GRIN2A: variants seen among roughly 807,000 people sequenced by gnomAD.
GRIN2A encodes the protein glutamate receptor ionotropic, NMDA 2A.
A neutral mutation model predicts 113.4 loss-of-function variants in GRIN2A; 22 were observed. The observed-to-expected ratio is 0.19, with a 90% CI of 0.14 to 0.28. The LOEUF is 0.28. Ranked by LOEUF, GRIN2A falls within the 10% of genes least tolerant of loss-of-function variation. The probability of loss-of-function intolerance (pLI) is 1.00; values close to 1 mark genes in which losing one functional copy is unlikely to be tolerated. For missense variants in GRIN2A, 1,502 were observed against 1,887.0 expected (o/e 0.80, Z 3.78); for synonymous variants, 827 against 738.4 (o/e 1.12, Z -1.94).
intron 2 of GRIN2A, among the ~76,000 whole-genome samples, chr16:10,093,009 T>G (rs902424411): frequency 3.9e-5 from 6 of 152,104 alleles, no homozygotes; most frequent in African/African-American, 1.4e-4. Context: ...TGGCTAATTT[T>G]TTGTATTTTT....
At chr16:10,026,323 T>A (rs2141910991) in intron 2 of GRIN2A, among the ~76,000 whole-genome samples, 1 of 152,224 alleles carries the variant, frequency 6.6e-6, no homozygotes, top group South Asian at 2.1e-4. Context: ...ATGGTATTAT[T>A]GTGAAAAATA....
At chr16:9,918,935 A>G (rs7206115) in intron 3 of GRIN2A, among the ~76,000 whole-genome samples, 113,430 of 151,942 alleles carry the variant, frequency 0.75, 44,189 homozygotes, top group African/African-American at 0.91. Context: ...CGTTTTGGGA[A>G]GCCAAAACGG....
intron 2 of GRIN2A, among the ~76,000 whole-genome samples, chr16:10,017,348 G>T (rs188733990): frequency 1.4e-4 from 22 of 152,202 alleles, no homozygotes; most frequent in Admixed American, 3.3e-4. Context: ...ATGAGTCTTG[G>T]TGGGGCGGCA....
At chr16:10,076,263 T>C (rs967620277) in intron 2 of GRIN2A, among the ~76,000 whole-genome samples, 1 of 152,124 alleles carries the variant, frequency 6.6e-6, no homozygotes, top group African/African-American at 2.4e-5. Flanking sequence ...TAGGTACAGC[T>C]AAGCTTTGCA....
In GRIN2A at chr16:9,901,836, C is replaced by A. The variant is rs2043932508; in HGVS notation, c.1008-10736G>T. Among the ~76,000 whole-genome samples the A allele has an allele frequency of 2.6e-5, 4 of 152,330 alleles. No individual in the cohort carries two copies. The South Asian group carries it at 8.3e-4, about 32-fold the overall frequency. Reference sequence around the variant, plus strand: ...AGATATTTGCTCATCCATGCTGCTACAAAAGAACTCTGGTCTTCAAATCAG... The same window carrying A: ...AGATATTTGCTCATCCATGCTGCTAAAAAAGAACTCTGGTCTTCAAATCAG... On this transcript the variant is annotated intron_variant, in intron 3 of 12. Transcript: ENST00000330684.
intron 2 of GRIN2A, chr16:9,970,741 A>G (rs900694357): frequency 3.1e-6 from 3 of 967,372 alleles, no homozygotes; most frequent in Admixed American, 6.2e-5. Flanking sequence ...AGAGTCCCCT[A>G]CCTTAAGAAA....
chr16:10,082,568 T>C (rs2048005541), intron 2 of GRIN2A, among the ~76,000 whole-genome samples: 1 of 152,232 alleles, frequency 6.6e-6, no homozygotes, highest in Non-Finnish European at 1.5e-5. Context: ...TTACCCAAGG[T>C]GGGCCTGGCC....
rs2050230350 is a variant in GRIN2A, at chr16:10,180,100, C to T, written c.312G>A (p.Thr104=). 6 of 1,614,190 alleles carry T rather than the reference C, an allele frequency of 3.7e-6. No homozygotes were observed. The highest frequency in any genetic ancestry group is 5.1e-6 in the Non-Finnish European group (6 of 1,180,028). ...RIHGLVFGDD[T]DQEAVAQMLD... is the part of the protein sequence containing the mutation. ...GCATCTGGGCTACGGCCTCCTGGTC[C>T]GTGTCGTCCCCAAACACGAGGCCGT... Residue 104 remains threonine, a synonymous_variant, in exon 2 of 13, where the codon ACG becomes ACA. Transcript: ENST00000330684. The surrounding 1 kb of genome is among the most constrained non-coding windows in gnomAD (Gnocchi z 7.0).
chr16:9,853,342 T>C (rs553627228), intron 4 of GRIN2A, among the ~76,000 whole-genome samples: 1 of 152,148 alleles, frequency 6.6e-6, no homozygotes, highest in African/African-American at 2.4e-5. Flanking sequence ...GGAGGGGTCT[T>C]TGGGAGCTGA....
chr16:9,879,852 T>G (rs1470711370), intron 4 of GRIN2A, among the ~76,000 whole-genome samples: 1 of 152,224 alleles, frequency 6.6e-6, no homozygotes, highest in Non-Finnish European at 1.5e-5. Flanking sequence ...GATGATTATT[T>G]TTTATGTTGT....
At chr16:9,894,468 T>G (rs1348294973) in intron 3 of GRIN2A, among the ~76,000 whole-genome samples, 1 of 152,204 alleles carries the variant, frequency 6.6e-6, no homozygotes, top group Non-Finnish European at 1.5e-5. Flanking sequence ...TTTTTCTCTC[T>G]TCCTTCTCCC....
intron 4 of GRIN2A, among the ~76,000 whole-genome samples, chr16:9,876,532 G>C (rs1259997365): frequency 6.6e-6 from 1 of 152,054 alleles, no homozygotes; most frequent in East Asian, 1.9e-4. Flanking sequence ...CTCTTAACCT[G>C]TCTTTTCCCA....
chr16:10,016,140 A>T (rs1298339170), intron 2 of GRIN2A, among the ~76,000 whole-genome samples: 1 of 123,176 alleles, frequency 8.1e-6, no homozygotes, highest in Non-Finnish European at 1.7e-5. Flanking sequence ...AAAAAAAAAA[A>T]AGTGGTAGGC....
At position 9,872,726 on chromosome 16, in the gene GRIN2A, G is replaced by C. The variant is rs1009928379; in HGVS notation, c.1122+18260C>G. On this transcript the variant is annotated intron_variant, in intron 4 of 12. Transcript: ENST00000330684. The stretch of plus-strand genomic sequence containing the variant: ...TCATAAGTGAAGCAACTCAGACACA[G>C]AGAGACAAATACTAGGACAGATGTG... Among the ~76,000 whole-genome samples, 5 of 152,110 alleles carry C rather than the reference G, an allele frequency of 3.3e-5. No homozygotes were observed. The South Asian group carries it at 1.0e-3, about 32-fold the overall frequency.
chr16:9,822,642 A>G (rs1032503383), intron 9 of GRIN2A, among the ~76,000 whole-genome samples: 14 of 152,164 alleles, frequency 9.2e-5, no homozygotes, highest in African/African-American at 3.1e-4. Flanking sequence ...GGGTGGACAC[A>G]GCATCTGTTT....
intron 2 of GRIN2A, among the ~76,000 whole-genome samples, chr16:10,091,467 C>T (rs200346272): frequency 9.2e-5 from 12 of 130,388 alleles, no homozygotes; most frequent in East Asian, 8.0e-4. Context: ...TACACACACA[C>T]ACACACACAC....
At chr16:10,100,654 TTGTC>T (rs1334643410) in intron 2 of GRIN2A, among the ~76,000 whole-genome samples, 1 of 152,222 alleles carries the variant, frequency 6.6e-6, no homozygotes, top group Non-Finnish European at 1.5e-5. Context: ...TTTTAAATGA[TTGTC>T]TGTCCACACT....
chr16:9,999,232 C>A (rs763022762), intron 2 of GRIN2A, among the ~76,000 whole-genome samples: 5 of 152,248 alleles, frequency 3.3e-5, no homozygotes, highest in Non-Finnish European at 7.4e-5. Flanking sequence ...ATCAGACTGC[C>A]TGGGTTCAAA....
At position 9,922,570 on chromosome 16, in the gene GRIN2A, G is replaced by C. The variant is rs151135536; in HGVS notation, c.1007+15389C>G. Reference sequence around the variant, plus strand: ...CCTCATACCCACAAACCTCTCTGTAGACATCAATTCCTGACTGTTCTGAGC... The same window carrying C: ...CCTCATACCCACAAACCTCTCTGTACACATCAATTCCTGACTGTTCTGAGC... On this transcript the variant is annotated intron_variant, in intron 3 of 12. Transcript: ENST00000330684. Among the ~76,000 whole-genome samples, 58 of 152,238 alleles carry C rather than the reference G, an allele frequency of 3.8e-4. 1 individual carries two copies. The highest frequency in any genetic ancestry group is 1.3e-3 in the African/African-American group (52 of 41,542).
Sources: allele counts gnomAD v4.1 joint callset (sites outside exome capture counted in the v4.1 genomes callset), GRCh38; gene constraint gnomAD v4.1.1; non-coding constraint Gnocchi (gnomAD v3.1); transcripts MANE v1.5; gene names NCBI Gene and HGNC (gene_info 2026-07-23, HGNC 2026-07-21).